Variants in SMG1 observed in about 807,000 individuals in gnomAD.
The protein encoded by SMG1 is SMG1 nonsense mediated mRNA decay associated PI3K related kinase, also known as serine/threonine-protein kinase SMG1.
In SMG1, 22 loss-of-function variants were observed where a neutral mutation model predicts 419.9. That is an observed-to-expected ratio of 0.05 (90% confidence interval 0.04 to 0.07). The LOEUF (loss-of-function observed/expected upper bound fraction) is 0.07. SMG1 is among the 10% of genes least tolerant of loss of function. SMG1 has a pLI of 1.00. For missense variants in SMG1, 3,185 were observed against 4,342.0 expected (o/e 0.73, Z 7.49); for synonymous variants, 1,538 against 1,553.5 (o/e 0.99, Z 0.23).
Position 18,859,723 on chromosome 16 carries a change from C to T in SMG1, c.3806-20G>A, listed in dbSNP as rs140127700. Reference sequence around the variant, plus strand: ...TCATGTCTACCAAAGTTAAATAAAACGTCATTAAGTTCATGTGCTTTTATT... The same window carrying T: ...TCATGTCTACCAAAGTTAAATAAAATGTCATTAAGTTCATGTGCTTTTATT... On this transcript the variant is annotated intron_variant, in intron 26 of 62. Coordinates refer to ENST00000446231, the MANE Select transcript of SMG1 (RefSeq NM_015092.5). 1,036 of 1,576,274 alleles carry T rather than the reference C, an allele frequency of 6.6e-4. 1 individual carries two copies. Among genetic ancestry groups the T allele is most frequent in the Non-Finnish European group, 8.3e-4 (960 of 1,161,652 alleles).
chr16:18,814,008 GCGAC>G (rs1307626551), intron 60 of SMG1, among the ~76,000 whole-genome samples: 1 of 121,524 alleles, frequency 8.2e-6, no homozygotes, highest in African/African-American at 3.1e-5. Flanking sequence ...TCCAGCCTGG[GCGAC>G]TGAGTGAGAC....
In SMG1 at chr16:18,808,303, T is replaced by C. The variant is rs1360575692; in HGVS notation, c.*1266A>G. 6.6e-6 allele frequency: 1 copy of C among 152,226 alleles called. No individual in the cohort carries two copies. Among genetic ancestry groups the C allele is most frequent in the Non-Finnish European group, 1.5e-5 (1 of 68,036 alleles). 9.4% of individuals were successfully genotyped at this position (152,226 alleles called of 1,614,324 possible). ...ACTAATAACTGAACTTAATAAAAGA[T>C]GTTGGTGGATCTCATTTTCACTGTT... On this transcript the variant is annotated 3_prime_UTR_variant, in exon 63 of 63. Coordinates refer to ENST00000446231, the MANE Select transcript of SMG1 (RefSeq NM_015092.5).
rs2033814226 is a variant in SMG1 at position 18,839,900 on chromosome 16, C to T, written c.6743G>A (p.Arg2248His). 2.5e-6 allele frequency: 4 copies of T among 1,607,430 alleles called. No homozygotes were observed. The highest frequency in any genetic ancestry group is 1.3e-5 in the African/African-American group (1 of 74,756). Reference protein sequence around the residue: ...QTPQNPGIVPRPSELYYSKIG... With the variant: ...QTPQNPGIVPHPSELYYSKIG... ...TTTACTGTAATAAAGTTCACTAGGACGGGGTACAATTCCAGGATTCTGAGG... is the reference window on the plus strand; with the variant it reads ...TTTACTGTAATAAAGTTCACTAGGATGGGGTACAATTCCAGGATTCTGAGG... Residue 2248 changes from arginine (R) to histidine (H), a missense_variant, in exon 42 of 63, where the codon CGT becomes CAT. Physicochemically the swap from Arg to His is conservative, Grantham distance 29. Coordinates refer to ENST00000446231, the MANE Select transcript of SMG1 (RefSeq NM_015092.5).
Position 18,859,686 on chromosome 16 carries a change from G to A in SMG1, c.3823C>T (p.Pro1275Ser). The change falls in exon 27 of 63, where the codon CCT (proline) becomes TCT (serine). Residue 1275 changes from proline to serine, a missense_variant. By Grantham distance (74) the Pro-to-Ser change is moderately conservative. Transcript: ENST00000446231. ...KEKIDMKKLL[P>S]NMLSPDPREL... The stretch of plus-strand genomic sequence containing the variant: ...CTCGGATCCGGACTTAACATGTTAG[G>A]AAGCAGTTTTTTCATGTCTACCAAA... 3 of 1,603,382 alleles carry A rather than the reference G, an allele frequency of 1.9e-6. No individual in the cohort carries two copies. The highest frequency in any genetic ancestry group is 2.6e-6 in the Non-Finnish European group (3 of 1,175,082).
chr16:18,918,267 A>AAAAC lies in SMG1; in HGVS notation c.92+7679_92+7682dup, dbSNP rs369589268. Among the ~76,000 whole-genome samples the AAAAC allele has an allele frequency of 5.0e-3, 759 of 152,196 alleles. 1 individual carries two copies. The highest frequency in any genetic ancestry group is 6.7e-3 in the Non-Finnish European group (454 of 67,998). On this transcript the variant is annotated intron_variant, in intron 1 of 62. Transcript: ENST00000446231. ...AACAAGAGCAAAAACTCCGTCTCCA[A>AAAAC]AAACAAACAAACAAACAAACAAAGA...
chr16:18,907,845 C>CAAA (rs71141092), intron 1 of SMG1, among the ~76,000 whole-genome samples: 13,057 of 54,836 alleles, frequency 0.24, 2,137 homozygotes, highest in Non-Finnish European at 0.32. Context: ...GAACGAGACT[C>CAAA]AAAAAAAAAA....
Position 18,926,183 on chromosome 16 carries a change from AAGG to A in SMG1, c.-145_-143del, listed in dbSNP as rs34182810. ...GGAGGAGGAGGAGGAGGAGGAGGAG[AAGG>A]AGGAGGCGGCGGAGGGCGGGGGAAG... is the stretch of plus-strand genomic sequence containing the variant. On this transcript the variant is annotated 5_prime_UTR_variant, in exon 1 of 63. Transcript: ENST00000446231. The A allele has an allele frequency of 1.9e-5, 13 of 669,884 alleles. No homozygotes were observed. The highest frequency in any genetic ancestry group is 1.0e-4 in the South Asian group (5 of 47,832). 41.5% of individuals were successfully genotyped at this position (669,884 alleles called of 1,614,324 possible).
At chr16:18,885,769 G>A in intron 6 of SMG1, 103 bp from the exon 7 acceptor site, 8 of 1,054,090 alleles carry the variant, frequency 7.6e-6, no homozygotes, top group South Asian at 4.3e-5. Context: ...CTGAATATGA[G>A]ACCAAGAAAA....
chr16:18,887,591 C>T (rs1467377745), intron 6 of SMG1, among the ~76,000 whole-genome samples: 2 of 123,524 alleles, frequency 1.6e-5, no homozygotes, highest in African/African-American at 6.2e-5. Context: ...TGGACTCAGG[C>T]GATTCACCAG....
chr16:18,907,934 TACCCTAGAA>T (rs1015814848), intron 1 of SMG1, among the ~76,000 whole-genome samples: 1 of 150,396 alleles, frequency 6.6e-6, no homozygotes, highest in Non-Finnish European at 1.5e-5. Context: ...GTCCTGGAAG[TACCCTAGAA>T]ACATATCATT....
In SMG1 at chr16:18,838,601, A is replaced by C; in HGVS notation, c.7034T>G (p.Met2345Arg). ...TATGTGAACAACTTCTCCAGTCGTC[A>C]TATCTATAAGAACATTATCCAGATG... ...DRHLDNVLID[M>R]TTGEVVHIDY... is the part of the protein sequence containing the mutation. Residue 2345 changes from methionine to arginine, a missense_variant, in exon 43 of 63, where the codon ATG becomes AGG. Physicochemically the swap from Met to Arg is moderately conservative, Grantham distance 91. Coordinates refer to ENST00000446231, the MANE Select transcript of SMG1 (RefSeq NM_015092.5). The C allele has an allele frequency of 1.2e-6, 2 of 1,613,746 alleles. No individual in the cohort carries two copies. Among genetic ancestry groups the C allele is most frequent in the Non-Finnish European group, 8.5e-7 (1 of 1,179,650 alleles).
chr16:18,815,941 C>A, intron 58 of SMG1: 1 of 456,056 alleles, frequency 2.2e-6, no homozygotes, highest in South Asian at 3.0e-5. Flanking sequence ...AGGGAAGAGA[C>A]AACATTTCAT....
Position 18,812,651 on chromosome 16 carries a change from C to CAT in SMG1, c.10622-525_10622-524insAT, listed in dbSNP as rs915873212. 3.4e-5 allele frequency among the ~76,000 whole-genome samples: 4 copies of CAT among 117,548 alleles called. No homozygotes were observed. In the East Asian group the frequency reaches 8.3e-4, roughly 24 times the overall value. 77.1% of individuals were successfully genotyped at this position (117,548 alleles called of 152,430 possible). On this transcript the variant is annotated intron_variant, in intron 60 of 62. Transcript: ENST00000446231. ...ATACACATATATATACACATATACACACACACACACATATATATATACACA... is the reference window on the plus strand; with the variant it reads ...ATACACATATATATACACATATACACATACACACACACATATATATATACACA...
chr16:18,842,124 C>A (rs935774390), intron 40 of SMG1, 84 bp downstream of exon 40: 1 of 1,406,110 alleles, frequency 7.1e-7, no homozygotes, highest in African/African-American at 1.4e-5. Context: ...CTGAAATAAT[C>A]TCCTACTATA....
At chr16:18,828,294 A>G in intron 54 of SMG1, 126 bp from the exon 55 acceptor site, 2 of 796,550 alleles carry the variant, frequency 2.5e-6, no homozygotes. Flanking sequence ...AATGGGAGGT[A>G]AGCAGGGAGA....
Position 18,867,823 on chromosome 16 carries a change from C to A in SMG1, c.3195+367G>T, listed in dbSNP as rs1366690128. On this transcript the variant is annotated intron_variant, in intron 22 of 62. Transcript: ENST00000446231. ...TCCCGGGTTCACGCCATTCTCCTGC[C>A]TCAGCCTCCCGAGTAGCTGGGACTA... Among the ~76,000 whole-genome samples, 6 of 150,856 alleles carry A rather than the reference C, an allele frequency of 4.0e-5. No individual in the cohort carries two copies. The East Asian group carries it at 1.2e-3, about 30-fold the overall frequency.
In SMG1 at chr16:18,926,178, AG is replaced by A. The variant is rs1442944130; in HGVS notation, c.-138del. 21 of 729,456 alleles carry A rather than the reference AG, an allele frequency of 2.9e-5. No homozygotes were observed. Among genetic ancestry groups the A allele is most frequent in the Middle Eastern group, 3.9e-4 (1 of 2,536 alleles). 45.2% of individuals were successfully genotyped at this position (729,456 alleles called of 1,614,324 possible). A position where few individuals can be genotyped will look rare whatever the true frequency, so the allele number is the denominator to read the frequency against. Reference sequence around the variant, plus strand: ...GAGAAGGAGGAGGAGGAGGAGGAGGAGGAGAAGGAGGAGGCGGCGGAGGGCG... The same window carrying A: ...GAGAAGGAGGAGGAGGAGGAGGAGGAGAGAAGGAGGAGGCGGCGGAGGGCG... On this transcript the variant is annotated 5_prime_UTR_variant, in exon 1 of 63. Transcript: ENST00000446231.
Position 18,925,999 on chromosome 16 carries a change from C to A in SMG1, c.43G>T (p.Gly15Cys). The change falls in exon 1 of 63, where the codon GGC becomes TGC. Residue 15 changes from glycine (G) to cysteine (C), a missense_variant. This residue lies in a region of SMG1 where 88 missense variants were observed against 85.9 expected (regional missense o/e 1.02). Coordinates refer to ENST00000446231, the MANE Select transcript of SMG1 (RefSeq NM_015092.5). ...APGSRLSSGG[G>C]GGGTKYPRSW... ...CGCGGATACTTGGTGCCGCCGCCGCCGCCGCCGCTGCTCAGCCGAGACCCC... is the reference window on the plus strand; with the variant it reads ...CGCGGATACTTGGTGCCGCCGCCGCAGCCGCCGCTGCTCAGCCGAGACCCC... 6.3e-7 allele frequency: 1 copy of A among 1,580,240 alleles called. No individual in the cohort carries two copies. The highest frequency in any genetic ancestry group is 2.3e-5 in the East Asian group (1 of 42,632).
At chr16:18,849,894 C>A in intron 35 of SMG1, 55 bp downstream of exon 35, 2 of 1,523,096 alleles carry the variant, frequency 1.3e-6, no homozygotes, top group Admixed American at 2.1e-5. Context: ...TTTTTGAAAT[C>A]TTATATATCC....
Sources: gnomAD v4.1 joint callset for allele counts (sites outside exome capture counted in the v4.1 genomes callset) on GRCh38, gnomAD v4.1.1 for gene constraint, gnomAD v4.1.1 regional missense constraint, MANE v1.5 for transcripts, NCBI Gene and HGNC (gene_info 2026-07-23, HGNC 2026-07-21) for gene names.